Variants in LAMA2 observed in about 807,000 individuals in gnomAD.
LAMA2 encodes laminin subunit alpha 2, also known as laminin subunit alpha-2.
In LAMA2, 269 loss-of-function variants were observed where a neutral mutation model predicts 364.8. The ratio of observed to expected loss-of-function variants is 0.74; its 90% CI spans 0.67 to 0.82. The LOEUF (loss-of-function observed/expected upper bound fraction) is 0.82, where lower values mean the gene tolerates loss of function less well. Ranked by LOEUF, LAMA2 falls within the 40% of genes least tolerant of loss-of-function variation. The probability of loss-of-function intolerance (pLI) is 0.00; values close to 1 mark genes in which losing one functional copy is unlikely to be tolerated. For missense variants in LAMA2, 3,807 were observed against 3,873.2 expected (o/e 0.98, Z 0.45); for synonymous variants, 1,379 against 1,370.6 (o/e 1.01, Z -0.14).
chr6:128,883,604 G>T (rs180865616), intron 1 of LAMA2, among the ~76,000 whole-genome samples: 1 of 151,956 alleles, frequency 6.6e-6, no homozygotes, highest in South Asian at 2.1e-4. Context: ...GTTTCGAAGA[G>T]GTCTTGCTAT....
chr6:129,158,187 T>C, intron 8 of LAMA2: 1 of 1,613,476 alleles, frequency 6.2e-7, no homozygotes, highest in South Asian at 1.1e-5. Context: ...TCCATTTTCA[T>C]GGTAATCAGT....
intron 4 of LAMA2, among the ~76,000 whole-genome samples, chr6:129,131,137 A>G (rs1048342082): frequency 2.0e-5 from 3 of 152,210 alleles, no homozygotes; most frequent in Admixed American, 1.3e-4. Context: ...ACTTGGCAGC[A>G]AATGTATAAA....
intron 3 of LAMA2, among the ~76,000 whole-genome samples, chr6:129,069,066 A>T (rs532964732): frequency 6.6e-6 from 1 of 152,182 alleles, no homozygotes; most frequent in Non-Finnish European, 1.5e-5. Context: ...ACTGCCCTAG[A>T]AAATGCTTCT....
rs1488392218 is a variant in LAMA2 at position 129,048,445 on chromosome 6, TTTC to T, written c.113-1470_113-1468del. Among the ~76,000 whole-genome samples the T allele has an allele frequency of 1.6e-3, 83 of 52,432 alleles. 1 individual carries two copies. The highest frequency in any genetic ancestry group is 5.9e-3 in the African/African-American group (67 of 11,296). 34.4% of individuals were successfully genotyped at this position (52,432 alleles called of 152,430 possible). A position where few individuals can be genotyped will look rare whatever the true frequency, so the allele number is the denominator to read the frequency against. On this transcript the variant is annotated intron_variant, in intron 1 of 64. Coordinates refer to ENST00000421865, the MANE Select transcript of LAMA2 (RefSeq NM_000426.4). ...TCAGGAAGGTTTCTTTTTTCTTTTC[TTTC>T]TTTCTTTCTTTCTTTCTTTCTTTCT...
intron 38 of LAMA2, 66 bp downstream of exon 38, chr6:129,401,406 A>G: frequency 1.0e-6 from 1 of 993,778 alleles, no homozygotes; most frequent in South Asian, 1.3e-5. Flanking sequence ...GAGAAAGCTC[A>G]GTAATAGAAG....
At chr6:129,227,315 C>T (rs532658382) in intron 12 of LAMA2, among the ~76,000 whole-genome samples, 1 of 152,140 alleles carries the variant, frequency 6.6e-6, no homozygotes, top group Non-Finnish European at 1.5e-5. Flanking sequence ...TCGTCTGAAG[C>T]CTTCTTCTCT....
At chr6:128,927,624 T>C (rs1356382614) in intron 1 of LAMA2, among the ~76,000 whole-genome samples, 4 of 152,170 alleles carry the variant, frequency 2.6e-5, no homozygotes, top group Non-Finnish European at 5.9e-5. Flanking sequence ...CATCAAGTTA[T>C]TTTCCTCCTG....
intron 34 of LAMA2, among the ~76,000 whole-genome samples, 159 bp from the exon 35 acceptor site, chr6:129,382,963 G>A (rs1018462346): frequency 2.0e-5 from 3 of 152,156 alleles, no homozygotes; most frequent in East Asian, 1.9e-4. Context: ...AATTGTATAC[G>A]TGAGCATGGG....
intron 12 of LAMA2, among the ~76,000 whole-genome samples, chr6:129,246,151 A>C (rs950931359): frequency 6.6e-6 from 1 of 152,166 alleles, no homozygotes; most frequent in Non-Finnish European, 1.5e-5. Flanking sequence ...CCTTTGGGGT[A>C]GTATATACCT....
intron 32 of LAMA2, among the ~76,000 whole-genome samples, chr6:129,355,692 C>G (rs1318400759): frequency 6.6e-6 from 1 of 152,084 alleles, no homozygotes; most frequent in Non-Finnish European, 1.5e-5. Flanking sequence ...TAGTATAGTA[C>G]TGACTACAGG....
In LAMA2 at chr6:129,360,302, A is replaced by G. The variant is rs1466300468; in HGVS notation, c.4718-5917A>G. On this transcript the variant is annotated intron_variant, in intron 32 of 64. Coordinates refer to ENST00000421865, the MANE Select transcript of LAMA2 (RefSeq NM_000426.4). ...GATTTTCCCTATGATAGTAAATTAC[A>G]TTTGGTTTTAATTTGCATTCCATTT... Among the ~76,000 whole-genome samples, 5 of 152,246 alleles carry G rather than the reference A, an allele frequency of 3.3e-5. No individual in the cohort carries two copies. In the East Asian group the frequency reaches 9.6e-4, roughly 29 times the overall value.
chr6:129,342,282 T>C (rs1382627736), intron 29 of LAMA2, 61 bp from the exon 30 acceptor site: 7 of 1,481,066 alleles, frequency 4.7e-6, no homozygotes, highest in Non-Finnish European at 6.6e-6. Flanking sequence ...GACTGTATGA[T>C]AAATTACATT....
rs555749965 is a variant in LAMA2 at position 129,395,697 on chromosome 6, G to A, written c.5445+2442G>A. 6.6e-5 allele frequency among the ~76,000 whole-genome samples: 10 copies of A among 152,292 alleles called. No homozygotes were observed. In the South Asian group the frequency reaches 1.2e-3, roughly 19 times the overall value. On this transcript the variant is annotated intron_variant, in intron 37 of 64. Coordinates refer to ENST00000421865, the MANE Select transcript of LAMA2 (RefSeq NM_000426.4). ...ATACGCTACCATAATTATCACAGGCGTAAGCAAAGGAGGGAGTCTAAGTCA... is the reference window on the plus strand; with the variant it reads ...ATACGCTACCATAATTATCACAGGCATAAGCAAAGGAGGGAGTCTAAGTCA...
chr6:129,119,648 C>T (rs1005615176), intron 4 of LAMA2, among the ~76,000 whole-genome samples: 5 of 152,174 alleles, frequency 3.3e-5, no homozygotes, highest in South Asian at 2.1e-4. Flanking sequence ...CCCGGGTTCA[C>T]GCCATTCTCC....
At chr6:129,074,713 G>A (rs1773520489) in intron 3 of LAMA2, among the ~76,000 whole-genome samples, 1 of 152,188 alleles carries the variant, frequency 6.6e-6, no homozygotes, top group Admixed American at 6.5e-5. Context: ...TTTAAGGAAT[G>A]TTCTGAATTA....
chr6:129,179,598 A>C (rs577907623), intron 10 of LAMA2, among the ~76,000 whole-genome samples: 1 of 152,290 alleles, frequency 6.6e-6, no homozygotes, highest in South Asian at 2.1e-4. Flanking sequence ...CCTAATAAGA[A>C]AGATGCCTCC....
At chr6:128,883,399 A>T in intron 1 of LAMA2, 42 bp downstream of exon 1, 1 of 1,552,806 alleles carries the variant, frequency 6.4e-7, no homozygotes, top group Admixed American at 1.9e-5. Flanking sequence ...CTTTGCCGGG[A>T]CCGAGATTCC....
chr6:129,455,620 A>C (rs533706334), intron 47 of LAMA2, among the ~76,000 whole-genome samples: 3 of 152,314 alleles, frequency 2.0e-5, no homozygotes, highest in Non-Finnish European at 2.9e-5. Context: ...CCAGATTTTC[A>C]TATTTAACAG....
chr6:129,143,271 A>T (rs1232107909), intron 4 of LAMA2, among the ~76,000 whole-genome samples: 1 of 151,868 alleles, frequency 6.6e-6, no homozygotes, highest in Non-Finnish European at 1.5e-5. Flanking sequence ...TGATTTTCAT[A>T]GGGTATGTTA....
Sources: allele counts gnomAD v4.1 joint callset (sites outside exome capture counted in the v4.1 genomes callset), GRCh38; gene constraint gnomAD v4.1.1; transcripts MANE v1.5; gene names NCBI Gene and HGNC (gene_info 2026-07-23, HGNC 2026-07-21).